The following NRXN1 variants were observed in gnomAD, a reference collection of about 807,000 sequenced individuals.
The protein encoded by NRXN1 is neurexin 1.
A neutral mutation model predicts 150.9 loss-of-function variants in NRXN1; 39 were observed. The ratio of observed to expected loss-of-function variants is 0.26; its 90% CI spans 0.20 to 0.34. The LOEUF (loss-of-function observed/expected upper bound fraction) is 0.34. Among genes scored for constraint, NRXN1 ranks in the 10% least tolerant of loss-of-function variants. NRXN1 has a pLI of 1.00. For synonymous variants in NRXN1, 924 were observed against 757.0 expected (o/e 1.22, Z -3.62); for missense variants, 1,815 against 1,949.9 (o/e 0.93, Z 1.30).
At chr2:50,478,322 G>T (rs939800519) in intron 15 of NRXN1, among the ~76,000 whole-genome samples, 1 of 152,098 alleles carries the variant, frequency 6.6e-6, no homozygotes, top group Non-Finnish European at 1.5e-5. Flanking sequence ...GAGCTTACAA[G>T]TAAACAAATA....
intron 18 of NRXN1, among the ~76,000 whole-genome samples, chr2:50,138,887 G>A (rs1574117541): frequency 6.6e-6 from 1 of 152,198 alleles, no homozygotes; most frequent in African/African-American, 2.4e-5. Context: ...CAGAATGTGT[G>A]CCATAAAACC....
rs1484127272 is a variant in NRXN1, at chr2:50,549,263, G to T, written c.1759+3324C>A. On this transcript the variant is annotated intron_variant, in intron 9 of 22. Coordinates refer to ENST00000401669, the MANE Select transcript of NRXN1 (RefSeq NM_001330078.2). Reference sequence around the variant, plus strand: ...AAAGGCTACTCCATACCAAACCAATGCAGTGTGCAAATATGGAACTTAATT... The same window carrying T: ...AAAGGCTACTCCATACCAAACCAATTCAGTGTGCAAATATGGAACTTAATT... 2.0e-5 allele frequency among the ~76,000 whole-genome samples: 3 copies of T among 152,146 alleles called. No homozygotes were observed. The South Asian group carries it at 6.2e-4, about 32-fold the overall frequency.
intron 5 of NRXN1, among the ~76,000 whole-genome samples, chr2:50,846,168 C>T (rs1029596459): frequency 6.6e-6 from 1 of 152,046 alleles, no homozygotes. Flanking sequence ...TTTTTCTGAA[C>T]CACGGGTGAC....
At position 50,084,101 on chromosome 2, in the gene NRXN1, C is replaced by T. The variant is rs566153930; in HGVS notation, c.3718+7222G>A. ...TGAGCTAGACACAAGGTGCTGATTG[C>T]TGTGTTTACAATCCCTTGGCTAGAC... is the stretch of plus-strand genomic sequence containing the variant. On this transcript the variant is annotated intron_variant, in intron 19 of 22. Transcript: ENST00000401669. 2.1e-3 allele frequency among the ~76,000 whole-genome samples: 318 copies of T among 152,266 alleles called. 2 individuals are homozygous for T. The highest frequency in any genetic ancestry group is 3.9e-3 in the Non-Finnish European group (268 of 68,012).
At chr2:50,713,315 A>G (rs1478983892) in intron 5 of NRXN1, among the ~76,000 whole-genome samples, 2 of 27,750 alleles carry the variant, frequency 7.2e-5, no homozygotes, top group Non-Finnish European at 5.6e-5. Flanking sequence ...CTCTGTCTCA[A>G]AAAAAAAAAA....
chr2:49,978,606 T>C (rs1372154323), intron 21 of NRXN1, among the ~76,000 whole-genome samples: 1 of 150,382 alleles, frequency 6.6e-6, no homozygotes, highest in Non-Finnish European at 1.5e-5. Context: ...TAAGCAAAGC[T>C]AATGCCTTTG....
chr2:50,319,496 G>A (rs2075857029), intron 17 of NRXN1, among the ~76,000 whole-genome samples: 1 of 152,052 alleles, frequency 6.6e-6, no homozygotes, highest in South Asian at 2.1e-4. Context: ...TGTTTTCATC[G>A]AAAAGGAAGG....
At chr2:50,204,474 G>A (rs1413202618) in intron 18 of NRXN1, among the ~76,000 whole-genome samples, 2 of 151,840 alleles carry the variant, frequency 1.3e-5, no homozygotes, top group Non-Finnish European at 2.9e-5. Context: ...AGCCTTCCAA[G>A]TTGTTTATTT....
At chr2:49,927,768 G>A (rs80048211) in intron 22 of NRXN1, among the ~76,000 whole-genome samples, 3,032 of 152,206 alleles carry the variant, frequency 0.02, 109 homozygotes, top group African/African-American at 0.066. Flanking sequence ...AGTTCACCAA[G>A]GCATTAGCAT....
chr2:50,823,127 T>A (rs139730908), intron 5 of NRXN1, among the ~76,000 whole-genome samples: 5 of 152,186 alleles, frequency 3.3e-5, no homozygotes, highest in African/African-American at 1.2e-4. Context: ...ATTATTTGCA[T>A]ATTAAGATCT....
intron 17 of NRXN1, among the ~76,000 whole-genome samples, chr2:50,386,943 C>T (rs4318425): frequency 0.49 from 73,899 of 151,892 alleles, 18,497 homozygotes; most frequent in East Asian, 0.8. Flanking sequence ...AGAGCTAATA[C>T]TATTTTCAAT....
intron 18 of NRXN1, among the ~76,000 whole-genome samples, chr2:50,180,172 C>T (rs560116572): frequency 6.7e-6 from 1 of 149,632 alleles, no homozygotes; most frequent in Non-Finnish European, 1.5e-5. Flanking sequence ...CAGGGCGGTG[C>T]CCCCACATCT....
intron 9 of NRXN1, among the ~76,000 whole-genome samples, chr2:50,548,750 G>A (rs1214010878): frequency 6.6e-6 from 1 of 150,378 alleles, no homozygotes; most frequent in African/African-American, 2.4e-5. Flanking sequence ...TAAATCATTT[G>A]TGTCCACCAA....
At chr2:50,904,600 G>T (rs139033324) in intron 5 of NRXN1, among the ~76,000 whole-genome samples, 1 of 152,024 alleles carries the variant, frequency 6.6e-6, no homozygotes, top group African/African-American at 2.4e-5. Flanking sequence ...TTAACTTTAC[G>T]CAAAACACTT....
chr2:50,223,302 T>G (rs945478947), intron 18 of NRXN1, among the ~76,000 whole-genome samples: 3 of 151,920 alleles, frequency 2.0e-5, no homozygotes, highest in Admixed American at 6.6e-5. Context: ...ACATAACAAT[T>G]AACAATATCT....
chr2:50,379,219 T>C (rs554160613), intron 17 of NRXN1, among the ~76,000 whole-genome samples: 3 of 152,264 alleles, frequency 2.0e-5, no homozygotes, highest in African/African-American at 7.2e-5. Flanking sequence ...CATTCAAAAC[T>C]GACCAACTGA....
intron 18 of NRXN1, among the ~76,000 whole-genome samples, chr2:50,128,328 G>T (rs1704919467): frequency 6.6e-6 from 1 of 152,164 alleles, no homozygotes; most frequent in Admixed American, 6.5e-5. Context: ...AACTTTTCTT[G>T]AGTCCATAGT....
intron 18 of NRXN1, among the ~76,000 whole-genome samples, chr2:50,141,903 A>G (rs1312838515): frequency 1.3e-5 from 2 of 152,050 alleles, no homozygotes; most frequent in South Asian, 4.1e-4. Context: ...AGATTTCTCA[A>G]ACACTAAAAA....
chr2:50,742,476 C>T (rs528014606), intron 5 of NRXN1, among the ~76,000 whole-genome samples: 32 of 151,434 alleles, frequency 2.1e-4, no homozygotes, highest in African/African-American at 6.3e-4. Context: ...GGCATGGTGG[C>T]GGGTGCCTGT....
Sources: gnomAD v4.1 joint callset for allele counts (sites outside exome capture counted in the v4.1 genomes callset) on GRCh38, gnomAD v4.1.1 for gene constraint, MANE v1.5 for transcripts, NCBI Gene and HGNC (gene_info 2026-07-23, HGNC 2026-07-21) for gene names.